RNF115: variants seen among roughly 807,000 people sequenced by gnomAD.
The protein encoded by RNF115 is ring finger protein 115.
A neutral mutation model predicts 39.2 loss-of-function variants in RNF115; 31 were observed. The ratio of observed to expected loss-of-function variants is 0.79; its 90% CI spans 0.59 to 1.07. The LOEUF (loss-of-function observed/expected upper bound fraction) is 1.07. RNF115 is among the 50% of genes least tolerant of loss of function. RNF115 has a pLI of 0.00. For synonymous variants in RNF115, 124 were observed against 131.0 expected, an observed-to-expected ratio of 0.95 and a Z score of 0.37; for missense variants, 384 against 381.7, an observed-to-expected ratio of 1.01 and a Z score of -0.05.
intron 1 of RNF115, among the ~76,000 whole-genome samples, chr1:145,803,730 C>T (rs959198254): frequency 1.3e-5 from 2 of 152,212 alleles, no homozygotes; most frequent in Admixed American, 6.5e-5. Context: ...TGATTGAACA[C>T]TGACATTACA....
intron 2 of RNF115, 109 bp downstream of exon 2, chr1:145,788,799 C>T (rs1553718503): frequency 2.5e-6 from 2 of 816,192 alleles, no homozygotes; most frequent in Admixed American, 3.6e-5. Flanking sequence ...CACTCTCGCT[C>T]TCTCTGTAGA....
chr1:145,814,399 T>C (rs1412075734), intron 1 of RNF115, among the ~76,000 whole-genome samples: 12 of 152,044 alleles, frequency 7.9e-5, no homozygotes, highest in Non-Finnish European at 1.5e-4. Context: ...CTGGCCAACA[T>C]GGTGAAACCC....
At chr1:145,777,678 A>G (rs1647945947) in intron 3 of RNF115, among the ~76,000 whole-genome samples, 3 of 152,214 alleles carry the variant, frequency 2.0e-5, no homozygotes, top group Admixed American at 1.3e-4. Context: ...AGTAAAAACT[A>G]ATAGGGAACA....
Position 145,823,926 on chromosome 1 carries a change from G to A in RNF115, c.-53C>T. ...AGGGCAGCCGGCCCGTCCCTCGCCA[G>A]GCCGCTACCTCCCGAGCTGCAGTCG... On this transcript the variant is annotated 5_prime_UTR_variant, in exon 1 of 9. Transcript: ENST00000582693. 1.5e-6 allele frequency: 2 copies of A among 1,307,246 alleles called. No homozygotes were observed. The highest frequency in any genetic ancestry group is 1.0e-6 in the Non-Finnish European group (1 of 983,576). The allele number at this position is 1,307,246 out of a possible 1,614,324, so 81.0% of individuals were successfully genotyped here. A position where few individuals can be genotyped will look rare whatever the true frequency, so the allele number is the denominator to read the frequency against.
intron 4 of RNF115, among the ~76,000 whole-genome samples, chr1:145,766,483 A>G (rs1478343954): frequency 6.6e-6 from 1 of 151,938 alleles, no homozygotes; most frequent in East Asian, 1.9e-4. Flanking sequence ...CATTGTCATC[A>G]TGGCCTGTTC....
intron 1 of RNF115, among the ~76,000 whole-genome samples, chr1:145,794,617 C>T (rs1648856396): frequency 6.6e-6 from 1 of 150,438 alleles, no homozygotes; most frequent in South Asian, 2.1e-4. Context: ...CACATGGTCC[C>T]AGTCACGGTT....
At chr1:145,761,414 G>C (rs1553713815) in intron 4 of RNF115, among the ~76,000 whole-genome samples, 1 of 152,214 alleles carries the variant, frequency 6.6e-6, no homozygotes, top group African/African-American at 2.4e-5. Flanking sequence ...CCCGTGCTGT[G>C]TGCAGCCTAG....
intron 1 of RNF115, among the ~76,000 whole-genome samples, chr1:145,794,289 A>G (rs1375663012): frequency 1.3e-5 from 2 of 151,890 alleles, no homozygotes; most frequent in Non-Finnish European, 2.9e-5. Flanking sequence ...AAAAACACTT[A>G]AAGTTAAATT....
intron 4 of RNF115, among the ~76,000 whole-genome samples, chr1:145,764,052 T>C (rs1463366080): frequency 6.6e-6 from 1 of 152,288 alleles, no homozygotes; most frequent in East Asian, 1.9e-4. Context: ...TGCCTGCTAT[T>C]GCAGGCGCGC....
chr1:145,814,302 T>TC (rs2101608414), intron 1 of RNF115, among the ~76,000 whole-genome samples: 1 of 151,772 alleles, frequency 6.6e-6, no homozygotes, highest in East Asian at 1.9e-4. Context: ...TGCCAAATGT[T>TC]CCCTGGGAAA....
intron 1 of RNF115, among the ~76,000 whole-genome samples, chr1:145,808,070 TACC>T (rs1277758610): frequency 2.1e-5 from 3 of 143,130 alleles, no homozygotes; most frequent in African/African-American, 7.8e-5. Context: ...TATATATATA[TACC>T]ACATTTTCTT....
chr1:145,766,932 G>A lies in RNF115; in HGVS notation c.428+4779C>T, dbSNP rs1177696078. 3.4e-3 allele frequency among the ~76,000 whole-genome samples: 310 copies of A among 92,244 alleles called. 64 individuals are homozygous for A. The highest frequency in any genetic ancestry group is 0.013 in the African/African-American group (292 of 22,380). The allele number at this position is 92,244 out of a possible 152,430, so 60.5% of individuals were successfully genotyped here. On this transcript the variant is annotated intron_variant, in intron 4 of 8. Transcript: ENST00000582693. ...TCCCGGACGGGGCGGCTGGCCGGGCGGGGGGCTGACCTGACCCCCCCACCT... is the reference window on the plus strand; with the variant it reads ...TCCCGGACGGGGCGGCTGGCCGGGCAGGGGGCTGACCTGACCCCCCCACCT...
At chr1:145,762,543 A>G (rs868920035) in intron 4 of RNF115, among the ~76,000 whole-genome samples, 2 of 152,310 alleles carry the variant, frequency 1.3e-5, no homozygotes, top group Middle Eastern at 3.4e-3. Flanking sequence ...TAATCAATTC[A>G]ATTTCAATTA....
intron 1 of RNF115, among the ~76,000 whole-genome samples, chr1:145,793,626 T>A (rs199984060): frequency 6.7e-6 from 1 of 150,070 alleles, no homozygotes; most frequent in African/African-American, 2.5e-5. Flanking sequence ...ATGCTTTTTC[T>A]CACACACACA....
intron 7 of RNF115, among the ~76,000 whole-genome samples, chr1:145,750,031 A>G (rs1290055760): frequency 6.6e-6 from 1 of 152,154 alleles, no homozygotes; most frequent in East Asian, 1.9e-4. Context: ...CCTTTCCCCA[A>G]TGTCAGTATC....
intron 2 of RNF115, 108 bp from the exon 3 acceptor site, chr1:145,784,704 A>T: frequency 1.2e-6 from 1 of 832,456 alleles, no homozygotes; most frequent in Non-Finnish European, 2.0e-6. Context: ...AAGGAAAAAT[A>T]ACTCATCCCA....
chr1:145,767,855 C>A (rs587661975), intron 4 of RNF115, among the ~76,000 whole-genome samples: 16 of 152,312 alleles, frequency 1.1e-4, no homozygotes, highest in African/African-American at 3.4e-4. Flanking sequence ...CGCCCGCAAT[C>A]GCAGGCACTC....
At chr1:145,754,197 T>C (rs1160168376) in intron 4 of RNF115, among the ~76,000 whole-genome samples, 1 of 152,218 alleles carries the variant, frequency 6.6e-6, no homozygotes, top group Non-Finnish European at 1.5e-5. Context: ...AAAAATTGCA[T>C]ATATTATGGT....
In RNF115 at chr1:145,746,842, C is replaced by A; in HGVS notation, c.*24G>T. 17 of 1,611,834 alleles carry A rather than the reference C, an allele frequency of 1.1e-5. No homozygotes were observed. The highest frequency in any genetic ancestry group is 1.4e-5 in the Non-Finnish European group (16 of 1,178,480). On this transcript the variant is annotated 3_prime_UTR_variant, in exon 9 of 9. Coordinates refer to ENST00000582693, the MANE Select transcript of RNF115 (RefSeq NM_014455.4). ...CTATGGTAAGATGATTACCACAGCCCTGATTCAGGTGTGGTCTTTAGCTTC... is the reference window on the plus strand; with the variant it reads ...CTATGGTAAGATGATTACCACAGCCATGATTCAGGTGTGGTCTTTAGCTTC...
Sources: allele counts gnomAD v4.1 joint callset (sites outside exome capture counted in the v4.1 genomes callset), GRCh38; gene constraint gnomAD v4.1.1; transcripts MANE v1.5; gene names NCBI Gene and HGNC (gene_info 2026-07-23, HGNC 2026-07-21).